The following STRN variants were observed in gnomAD, a reference collection of about 807,000 sequenced individuals.
STRN encodes the protein protein phosphatase 2 regulatory subunit B'''alpha.
Under a neutral mutation model 96.3 loss-of-function variants are expected in STRN, and 53 were observed. The ratio of observed to expected loss-of-function variants is 0.55; its 90% CI spans 0.44 to 0.69. STRN has a LOEUF of 0.69. Ranked by LOEUF, STRN falls within the 30% of genes least tolerant of loss-of-function variation. The pLI is 0.00. For missense variants in STRN, 987 were observed against 963.9 expected (o/e 1.02, Z -0.32); for synonymous variants, 428 against 355.9 (o/e 1.20, Z -2.28).
In STRN at chr2:36,925,601, AC is replaced by A. The variant is rs556318739; in HGVS notation, c.235-394del. On this transcript the variant is annotated intron_variant, in intron 1 of 17. Coordinates refer to ENST00000263918, the MANE Select transcript of STRN (RefSeq NM_003162.4). Reference sequence around the variant, plus strand: ...AGACCAGCCTGGCCAACATGGTGAAACCCTGTCTCTACTAAAAATACAAAAA... The same window carrying A: ...AGACCAGCCTGGCCAACATGGTGAAACCTGTCTCTACTAAAAATACAAAAA... Among the ~76,000 whole-genome samples the A allele has an allele frequency of 1.8e-3, 274 of 152,114 alleles. 2 individuals carry two copies. The highest frequency in any genetic ancestry group is 6.8e-3 in the Middle Eastern group (2 of 294).
At chr2:36,945,131 G>A (rs1670946493) in intron 1 of STRN, among the ~76,000 whole-genome samples, 1 of 151,980 alleles carries the variant, frequency 6.6e-6, no homozygotes, top group African/African-American at 2.4e-5. Flanking sequence ...TTTAAAAAAA[G>A]AGAAAAATGG....
intron 6 of STRN, among the ~76,000 whole-genome samples, chr2:36,896,023 C>A (rs1227217022): frequency 1.3e-5 from 2 of 152,138 alleles, no homozygotes; most frequent in African/African-American, 4.8e-5. Flanking sequence ...AATCTACCTT[C>A]TTTTACCCTA....
chr2:36,849,453 G>A lies in STRN; in HGVS notation c.*3C>T, dbSNP rs2148122547. On this transcript the variant is annotated 3_prime_UTR_variant, in exon 18 of 18. Coordinates refer to ENST00000263918, the MANE Select transcript of STRN (RefSeq NM_003162.4). ...AGCTAGAAGGTGAAGATGATGCATT[G>A]CGTCATACAAAGACTTTAGCCAGTG... 1 of 1,613,840 alleles carries A rather than the reference G, an allele frequency of 6.2e-7. No homozygotes were observed. Among genetic ancestry groups the A allele is most frequent in the Non-Finnish European group, 8.5e-7 (1 of 1,179,862 alleles).
At position 36,907,127 on chromosome 2, in the gene STRN, C is replaced by T. The variant is rs549569978; in HGVS notation, c.413-1509G>A. ...AAGCTATACTATGGTTCTACATTAA[C>T]AGTACAAAAAAAGTGCATACTTTCC... On this transcript the variant is annotated intron_variant, in intron 3 of 17. Transcript: ENST00000263918. 2.0e-5 allele frequency among the ~76,000 whole-genome samples: 3 copies of T among 152,256 alleles called. No individual in the cohort carries two copies. The South Asian group carries it at 6.2e-4, about 32-fold the overall frequency.
At chr2:36,953,784 T>C (rs550581936) in intron 1 of STRN, among the ~76,000 whole-genome samples, 5 of 152,288 alleles carry the variant, frequency 3.3e-5, no homozygotes, top group African/African-American at 9.6e-5. Context: ...TAAGAGCAAA[T>C]ACACAGTTAA....
chr2:36,894,089 A>G (rs954598453), intron 6 of STRN, 56 bp from the exon 7 acceptor site: 12 of 1,556,692 alleles, frequency 7.7e-6, no homozygotes, highest in African/African-American at 6.9e-5. Context: ...TTACCACTGA[A>G]TAAGAAAATT....
chr2:36,940,593 C>T (rs1158761643), intron 1 of STRN, among the ~76,000 whole-genome samples: 6 of 151,716 alleles, frequency 4.0e-5, no homozygotes, highest in East Asian at 1.9e-4. Context: ...TTTGGGAAGC[C>T]GAAGCGGATG....
Position 36,877,125 on chromosome 2 carries a change from G to T in STRN, c.1323+766C>A, listed in dbSNP as rs180684332. ...CAAAGGTACAAAGATTTCAATTTTGGTCCAAATCTCTGATGGGTCAGCCTT... is the reference window on the plus strand; with the variant it reads ...CAAAGGTACAAAGATTTCAATTTTGTTCCAAATCTCTGATGGGTCAGCCTT... On this transcript the variant is annotated intron_variant, in intron 10 of 17. Coordinates refer to ENST00000263918, the MANE Select transcript of STRN (RefSeq NM_003162.4). Among the ~76,000 whole-genome samples, 380 of 152,232 alleles carry T rather than the reference G, an allele frequency of 2.5e-3. 2 individuals are homozygous for T. The highest frequency in any genetic ancestry group is 6.8e-3 in the Middle Eastern group (2 of 294).
chr2:36,953,032 A>G (rs1664799419), intron 1 of STRN, among the ~76,000 whole-genome samples: 1 of 152,222 alleles, frequency 6.6e-6, no homozygotes, highest in Non-Finnish European at 1.5e-5. Context: ...CATGGTGTTT[A>G]TTTCTCATAA....
chr2:36,882,094 G>C (rs1375327299), intron 9 of STRN, among the ~76,000 whole-genome samples: 3 of 151,830 alleles, frequency 2.0e-5, no homozygotes, highest in South Asian at 2.1e-4. Context: ...ACCATGTACT[G>C]GTCAAAAATT....
chr2:36,933,432 G>T (rs1329296699), intron 1 of STRN, among the ~76,000 whole-genome samples: 12 of 152,166 alleles, frequency 7.9e-5, no homozygotes, highest in Non-Finnish European at 1.6e-4. Flanking sequence ...GAAGAAAAGA[G>T]AGAATAAGAT....
At chr2:36,905,260 C>T (rs751834208) in intron 4 of STRN, among the ~76,000 whole-genome samples, 4 of 151,952 alleles carry the variant, frequency 2.6e-5, no homozygotes, top group African/African-American at 7.3e-5. Flanking sequence ...TGAGCTACTG[C>T]GCCTGGCCAA....
chr2:36,925,356 T>C (rs1222010287), intron 1 of STRN, 148 bp from the exon 2 acceptor site: 16 of 619,108 alleles, frequency 2.6e-5, no homozygotes, highest in Non-Finnish European at 3.8e-5. Flanking sequence ...AATATAAAAA[T>C]GCACTGACTG....
At chr2:36,867,528 GA>G (rs1668660657) in intron 12 of STRN, 3 of 223,234 alleles carry the variant, frequency 1.3e-5, no homozygotes, top group Admixed American at 5.7e-5. Context: ...ATTATATGAG[GA>G]AAAAAAGCTG....
rs1667971898 is a variant in STRN at position 36,842,317 on chromosome 2, G to A, written c.*7139C>T. 1 of 152,036 alleles carries A rather than the reference G, an allele frequency of 6.6e-6. No individual in the cohort carries two copies. Among genetic ancestry groups the A allele is most frequent in the Non-Finnish European group, 1.5e-5 (1 of 68,010 alleles). 9.4% of individuals were successfully genotyped at this position (152,036 alleles called of 1,614,324 possible). Reference sequence around the variant, plus strand: ...TCTTTTGTTTGAGGCAATGAATTGGGAACCTGGTACATACACTAGATTTTA... The same window carrying A: ...TCTTTTGTTTGAGGCAATGAATTGGAAACCTGGTACATACACTAGATTTTA... On this transcript the variant is annotated 3_prime_UTR_variant, in exon 18 of 18. Coordinates refer to ENST00000263918, the MANE Select transcript of STRN (RefSeq NM_003162.4).
chr2:36,929,143 TTC>T (rs1670501590), intron 1 of STRN, among the ~76,000 whole-genome samples: 1 of 152,108 alleles, frequency 6.6e-6, no homozygotes. Flanking sequence ...TAGAAAATTA[TTC>T]ACTTCCTAAC....
At chr2:36,865,933 G>A (rs1485307378) in intron 12 of STRN, among the ~76,000 whole-genome samples, 1 of 152,068 alleles carries the variant, frequency 6.6e-6, no homozygotes, top group Non-Finnish European at 1.5e-5. Flanking sequence ...AGAGATTCTG[G>A]TATGTTGTAG....
At chr2:36,941,448 T>C (rs1221636681) in intron 1 of STRN, among the ~76,000 whole-genome samples, 1 of 152,244 alleles carries the variant, frequency 6.6e-6, no homozygotes, top group South Asian at 2.1e-4. Context: ...TTTTAGCTTC[T>C]ATTTTTATCA....
chr2:36,917,612 G>A (rs1402155936), intron 2 of STRN, among the ~76,000 whole-genome samples: 1 of 150,620 alleles, frequency 6.6e-6, no homozygotes, highest in East Asian at 1.9e-4. Flanking sequence ...GTAAAATACT[G>A]AAATCTTTCT....
Sources: gnomAD v4.1 joint callset for allele counts (sites outside exome capture counted in the v4.1 genomes callset) on GRCh38, gnomAD v4.1.1 for gene constraint, MANE v1.5 for transcripts, NCBI Gene and HGNC (gene_info 2026-07-23, HGNC 2026-07-21) for gene names.